Variants in ST3GAL3 observed in about 807,000 individuals in gnomAD.
ST3GAL3 encodes CMP-N-acetylneuraminate-beta-1,4-galactoside alpha-2,3-sialyltransferase.
A neutral mutation model predicts 50.1 loss-of-function variants in ST3GAL3; 21 were observed. The observed-to-expected ratio is 0.42, with a 90% CI of 0.30 to 0.60. The LOEUF (loss-of-function observed/expected upper bound fraction) is 0.60. Ranked by LOEUF, ST3GAL3 falls within the 20% of genes least tolerant of loss-of-function variation. The probability of loss-of-function intolerance (pLI) is 0.19; values close to 1 mark genes in which losing one functional copy is unlikely to be tolerated. For missense variants in ST3GAL3, 353 were observed against 489.4 expected, an observed-to-expected ratio of 0.72 and a Z score of 2.63; for synonymous variants, 183 against 190.0, an observed-to-expected ratio of 0.96 and a Z score of 0.30.
intron 5 of ST3GAL3, among the ~76,000 whole-genome samples, chr1:43,887,992 G>A (rs992187193): frequency 1.3e-5 from 2 of 152,126 alleles, no homozygotes; most frequent in African/African-American, 4.8e-5. Context: ...CACAGGACAT[G>A]TTGAGGGAAC....
chr1:43,817,722 TCTC>T (rs1281955300), intron 4 of ST3GAL3, among the ~76,000 whole-genome samples: 10 of 116,758 alleles, frequency 8.6e-5, no homozygotes, highest in Non-Finnish European at 1.8e-4. Flanking sequence ...TTCTCCTCCT[TCTC>T]CTCCTCCCCC....
chr1:43,898,234 G>A lies in ST3GAL3; in HGVS notation c.398-1G>A, dbSNP rs1425424005. Reference sequence around the variant, plus strand: ...CAGAAACCTCTCTCCTCTGTCTGCAGACAATCTGATCAAAGCCATCTTGTC... The same window carrying A: ...CAGAAACCTCTCTCCTCTGTCTGCAAACAATCTGATCAAAGCCATCTTGTC... On this transcript the variant is annotated splice_acceptor_variant, in intron 6 of 11. Transcript: ENST00000347631. LOFTEE classifies it high-confidence loss of function. 1 of 1,613,894 alleles carries A rather than the reference G, an allele frequency of 6.2e-7. No homozygotes were observed. The highest frequency in any genetic ancestry group is 1.1e-5 in the South Asian group (1 of 91,078).
chr1:43,826,033 A>C (rs2062749140), intron 4 of ST3GAL3, among the ~76,000 whole-genome samples: 1 of 152,072 alleles, frequency 6.6e-6, no homozygotes, highest in South Asian at 2.1e-4. Context: ...TGGAAGGCTG[A>C]GGCAGGAGGA....
chr1:43,733,294 A>G (rs1051368454), intron 1 of ST3GAL3, among the ~76,000 whole-genome samples: 15 of 152,188 alleles, frequency 9.9e-5, no homozygotes, highest in Admixed American at 9.8e-4. Flanking sequence ...CCTATGACAA[A>G]TAAATTTAAT....
chr1:43,778,636 C>CTTTT (rs1209852342), intron 2 of ST3GAL3, among the ~76,000 whole-genome samples: 1 of 125,938 alleles, frequency 7.9e-6, no homozygotes, highest in Non-Finnish European at 1.7e-5. Context: ...GATTTCTTTT[C>CTTTT]TTTTTTTCTT....
At chr1:43,808,887 A>C (rs1433582010) in intron 3 of ST3GAL3, among the ~76,000 whole-genome samples, 1 of 152,234 alleles carries the variant, frequency 6.6e-6, no homozygotes, top group Non-Finnish European at 1.5e-5. Context: ...AAACTGTATA[A>C]TGCATGGGGT....
chr1:43,860,327 T>G (rs545832340), intron 5 of ST3GAL3, among the ~76,000 whole-genome samples: 18 of 152,302 alleles, frequency 1.2e-4, no homozygotes, highest in African/African-American at 4.3e-4. Context: ...TGACCCACAC[T>G]CAAGGCTGTG....
chr1:43,905,887 C>T (rs1321861705), intron 9 of ST3GAL3, among the ~76,000 whole-genome samples: 1 of 137,582 alleles, frequency 7.3e-6, no homozygotes, highest in African/African-American at 2.8e-5. Context: ...TCCTTTCCCG[C>T]CACTTTTCTT....
chr1:43,918,119 CTT>C (rs573834844), intron 9 of ST3GAL3, among the ~76,000 whole-genome samples: 1 of 133,890 alleles, frequency 7.5e-6, no homozygotes, highest in Non-Finnish European at 1.5e-5. Context: ...TTTTCTTTCT[CTT>C]TTTTTTTTTT....
chr1:43,814,226 T>C (rs1046715529), intron 3 of ST3GAL3, among the ~76,000 whole-genome samples: 5 of 152,232 alleles, frequency 3.3e-5, no homozygotes, highest in Admixed American at 3.3e-4. Context: ...CATTTTCCTA[T>C]GTTTATGTCC....
In ST3GAL3 at chr1:43,931,096, G is replaced by A. The variant is rs539468273; in HGVS notation, c.*875G>A. 1 of 152,856 alleles carries A rather than the reference G, an allele frequency of 6.5e-6. No individual in the cohort carries two copies. Among genetic ancestry groups the A allele is most frequent in the South Asian group, 2.1e-4 (1 of 4,834 alleles). 9.5% of individuals were successfully genotyped at this position (152,856 alleles called of 1,614,324 possible). On this transcript the variant is annotated 3_prime_UTR_variant, in exon 12 of 12. Coordinates refer to ENST00000347631, the MANE Select transcript of ST3GAL3 (RefSeq NM_006279.5). ...ACCAAAGGGAAGTGAGGCCCAAGGAGCTTACCCAAGCTGTGGCAGCCGTCC... is the reference window on the plus strand; with the variant it reads ...ACCAAAGGGAAGTGAGGCCCAAGGAACTTACCCAAGCTGTGGCAGCCGTCC...
At chr1:43,735,419 A>T (rs1253794534) in intron 1 of ST3GAL3, among the ~76,000 whole-genome samples, 1 of 152,164 alleles carries the variant, frequency 6.6e-6, no homozygotes, top group Non-Finnish European at 1.5e-5. Context: ...GGGAATTTGG[A>T]GAGATTCAAA....
intron 1 of ST3GAL3, among the ~76,000 whole-genome samples, chr1:43,717,376 C>A (rs1414590431): frequency 6.6e-6 from 1 of 152,020 alleles, no homozygotes; most frequent in East Asian, 1.9e-4. Context: ...TCTTTCCTTT[C>A]TGAAAAAATA....
chr1:43,853,798 T>G (rs2067815203), intron 5 of ST3GAL3, among the ~76,000 whole-genome samples: 1 of 152,140 alleles, frequency 6.6e-6, no homozygotes, highest in Non-Finnish European at 1.5e-5. Flanking sequence ...GTTTCCAGAG[T>G]GCAAAGATGG....
At chr1:43,795,160 T>TG (rs2058544453) in intron 3 of ST3GAL3, among the ~76,000 whole-genome samples, 1 of 152,232 alleles carries the variant, frequency 6.6e-6, no homozygotes, top group Non-Finnish European at 1.5e-5. Context: ...AAGGGGATTT[T>TG]GGTCCTCAGC....
chr1:43,787,177 T>C (rs1256913321), intron 2 of ST3GAL3, among the ~76,000 whole-genome samples: 1 of 152,362 alleles, frequency 6.6e-6, no homozygotes, highest in Non-Finnish European at 1.5e-5. Flanking sequence ...TGTACTTTGG[T>C]CTGGAATTCA....
At chr1:43,805,986 G>T (rs866310735) in intron 3 of ST3GAL3, among the ~76,000 whole-genome samples, 42 of 152,184 alleles carry the variant, frequency 2.8e-4, no homozygotes, top group African/African-American at 1.0e-3. Flanking sequence ...CGCCCACCTT[G>T]GCCTCCCAAA....
At chr1:43,812,342 T>TC (rs2060655973) in intron 3 of ST3GAL3, among the ~76,000 whole-genome samples, 1 of 152,182 alleles carries the variant, frequency 6.6e-6, no homozygotes, top group South Asian at 2.1e-4. Flanking sequence ...GGGCACACAC[T>TC]CTCCAGATGG....
chr1:43,923,001 A>G (rs964633761), intron 11 of ST3GAL3, among the ~76,000 whole-genome samples: 4 of 151,786 alleles, frequency 2.6e-5, no homozygotes, highest in African/African-American at 9.7e-5. Flanking sequence ...AGGAAGGAGA[A>G]TGGTGTGAAC....
Sources: gnomAD v4.1 joint callset for allele counts (sites outside exome capture counted in the v4.1 genomes callset) on GRCh38, gnomAD v4.1.1 for gene constraint, MANE v1.5 for transcripts, NCBI Gene and HGNC (gene_info 2026-07-23, HGNC 2026-07-21) for gene names.